The following GLDC variants were observed in gnomAD, a reference collection of about 807,000 sequenced individuals.
GLDC encodes the protein glycine dehydrogenase (decarboxylating), mitochondrial.
In GLDC, 104 loss-of-function variants were observed where a neutral mutation model predicts 121.3. The ratio of observed to expected loss-of-function variants is 0.86; its 90% CI spans 0.73 to 1.01. The LOEUF is 1.01. GLDC is among the 50% of genes least tolerant of loss of function. The pLI is 0.00. For missense variants in GLDC, 1,429 were observed against 1,306.6 expected, an observed-to-expected ratio of 1.09 and a Z score of -1.44; for synonymous variants, 546 against 480.6, an observed-to-expected ratio of 1.14 and a Z score of -1.78.
intron 15 of GLDC, among the ~76,000 whole-genome samples, chr9:6,586,384 G>A (rs541331665): frequency 4.6e-5 from 7 of 152,302 alleles, no homozygotes; most frequent in African/African-American, 7.2e-5. Flanking sequence ...AGCGGGGCCC[G>A]GAGTTTGTAT....
At chr9:6,606,452 A>T in intron 5 of GLDC, 140 bp downstream of exon 5, 1 of 711,088 alleles carries the variant, frequency 1.4e-6, no homozygotes, top group East Asian at 2.6e-5. Context: ...GGTAAGGCAA[A>T]ACTCAGCAAC....
Position 6,623,378 on chromosome 9 carries a change from G to A in GLDC, c.335-3059C>T, listed in dbSNP as rs563406486. On this transcript the variant is annotated intron_variant, in intron 2 of 24. Transcript: ENST00000321612. ...ACTCAGGGTTAAATGGATTAAGGGC[G>A]GTGCAAGATGTGCTTTGTTAAACAG... Among the ~76,000 whole-genome samples, 5 of 145,552 alleles carry A rather than the reference G, an allele frequency of 3.4e-5. No individual in the cohort carries two copies. The East Asian group carries it at 1.0e-3, about 29-fold the overall frequency.
chr9:6,607,468 A>G (rs1454046007), intron 4 of GLDC, among the ~76,000 whole-genome samples: 1 of 150,984 alleles, frequency 6.6e-6, no homozygotes, highest in Non-Finnish European at 1.5e-5. Flanking sequence ...CTGTAATCCC[A>G]CTACTCGGGA....
chr9:6,536,383 T>A (rs1817131407), intron 22 of GLDC, 147 bp from the exon 23 acceptor site: 2 of 779,048 alleles, frequency 2.6e-6, no homozygotes, highest in East Asian at 2.7e-5. Context: ...CTCATCTCAG[T>A]GCTGTTCATA....
chr9:6,559,090 G>A (rs992738727), intron 16 of GLDC, among the ~76,000 whole-genome samples: 4 of 152,124 alleles, frequency 2.6e-5, no homozygotes, highest in Admixed American at 2.6e-4. Context: ...GCTTATCCAG[G>A]ACAGATGATA....
At chr9:6,601,201 T>C (rs1180577473) in intron 8 of GLDC, among the ~76,000 whole-genome samples, 1 of 152,016 alleles carries the variant, frequency 6.6e-6, no homozygotes, top group Non-Finnish European at 1.5e-5. Context: ...ATGCCAGTCA[T>C]AATCTCCCAG....
At chr9:6,626,524 G>A (rs181227653) in intron 2 of GLDC, among the ~76,000 whole-genome samples, 3,856 of 121,580 alleles carry the variant, frequency 0.032, 68 homozygotes, top group Non-Finnish European at 0.049. Flanking sequence ...AAGACTGTGG[G>A]TCTTTATAAT....
At chr9:6,565,279 T>C in intron 16 of GLDC, 75 bp downstream of exon 16, 1 of 1,004,926 alleles carries the variant, frequency 1.0e-6, no homozygotes, top group Non-Finnish European at 1.6e-6. Context: ...GGAGGGAGTG[T>C]CCCACAGAAG....
chr9:6,557,680 A>C (rs943960781), intron 17 of GLDC: 1 of 152,168 alleles, frequency 6.6e-6, no homozygotes, highest in Non-Finnish European at 1.5e-5. Context: ...TGTAAATAAA[A>C]GTCTTCTTTA....
In GLDC at chr9:6,618,288, T is replaced by C. The variant is rs565680817; in HGVS notation, c.470+1896A>G. 5.9e-5 allele frequency among the ~76,000 whole-genome samples: 9 copies of C among 152,202 alleles called. No homozygotes were observed. The South Asian group carries it at 1.9e-3, about 32-fold the overall frequency. On this transcript the variant is annotated intron_variant, in intron 3 of 24. Coordinates refer to ENST00000321612, the MANE Select transcript of GLDC (RefSeq NM_000170.3). ...AAAAGAGCCTAGGAGTCCCCACCTTTCCTCCTCCACAGTTAGACATTATAT... is the reference window on the plus strand; with the variant it reads ...AAAAGAGCCTAGGAGTCCCCACCTTCCCTCCTCCACAGTTAGACATTATAT...
chr9:6,638,273 G>A (rs113004248), intron 2 of GLDC, among the ~76,000 whole-genome samples: 6 of 151,554 alleles, frequency 4.0e-5, no homozygotes, highest in Non-Finnish European at 7.4e-5. Flanking sequence ...GCAATGGCGC[G>A]ACTTAGCTCA....
chr9:6,639,398 C>T, intron 2 of GLDC: 1 of 922,816 alleles, frequency 1.1e-6, no homozygotes, highest in Non-Finnish European at 1.8e-6. Context: ...ACTGAGTCGC[C>T]ATGAAGAAGA....
At chr9:6,582,445 T>G (rs1818189184) in intron 15 of GLDC, among the ~76,000 whole-genome samples, 1 of 148,814 alleles carries the variant, frequency 6.7e-6, no homozygotes, top group Non-Finnish European at 1.5e-5. Context: ...TACTTGAACC[T>G]GGGAGGTGGA....
chr9:6,560,380 T>G (rs1817727641), intron 16 of GLDC, among the ~76,000 whole-genome samples: 1 of 152,254 alleles, frequency 6.6e-6, no homozygotes, highest in Non-Finnish European at 1.5e-5. Context: ...CATGAACTAC[T>G]TTGCACTCTT....
chr9:6,607,018 G>A (rs1160563392), intron 4 of GLDC, among the ~76,000 whole-genome samples: 4 of 151,936 alleles, frequency 2.6e-5, no homozygotes, highest in South Asian at 2.1e-4. Context: ...AGCCAAGATT[G>A]CACCGCTGCT....
rs145407593 is a variant in GLDC, at chr9:6,550,882, C to T, written c.2490G>A (p.Thr830=). The T allele has an allele frequency of 1.1e-5, 17 of 1,613,186 alleles. No individual in the cohort carries two copies. The highest frequency in any genetic ancestry group is 8.9e-5 in the East Asian group (4 of 44,874). ...AGTTGGCATTTAATATCGCAGTTTCCGTGGCTTGTTTAAGACCCTTGCCTC... is the reference window on the plus strand; with the variant it reads ...AGTTGGCATTTAATATCGCAGTTTCTGTGGCTTGTTTAAGACCCTTGCCTC... The part of the protein sequence containing the change: ...MMGGKGLKQA[T]ETAILNANYM... Residue 830 remains threonine (T), a synonymous_variant, in exon 21 of 25, where the codon ACG becomes ACA. Coordinates refer to ENST00000321612, the MANE Select transcript of GLDC (RefSeq NM_000170.3).
intron 2 of GLDC, chr9:6,639,552 G>A: frequency 1.3e-6 from 1 of 777,508 alleles, no homozygotes; most frequent in Non-Finnish European, 2.3e-6. Context: ...GAAGGTATAT[G>A]TTCGACTGGC....
chr9:6,619,498 C>G (rs985953868), intron 3 of GLDC, among the ~76,000 whole-genome samples: 2 of 152,002 alleles, frequency 1.3e-5, no homozygotes, highest in Non-Finnish European at 2.9e-5. Context: ...GAGGCTGAAG[C>G]GGGCGGATCA....
At chr9:6,617,636 T>C (rs1001049453) in intron 3 of GLDC, among the ~76,000 whole-genome samples, 4 of 152,174 alleles carry the variant, frequency 2.6e-5, no homozygotes, top group Admixed American at 6.5e-5. Context: ...CCCTTATTAA[T>C]AAAGTGGAGC....
Sources: allele counts gnomAD v4.1 joint callset (sites outside exome capture counted in the v4.1 genomes callset), GRCh38; gene constraint gnomAD v4.1.1; transcripts MANE v1.5; gene names NCBI Gene and HGNC (gene_info 2026-07-23, HGNC 2026-07-21).